Variants in SOX5 observed in about 807,000 individuals in gnomAD.
SOX5 encodes the protein transcription factor SOX-5.
Under a neutral mutation model 92.0 loss-of-function variants are expected in SOX5, and 9 were observed. The ratio of observed to expected loss-of-function variants is 0.10; its 90% CI spans 0.06 to 0.17. SOX5 has a LOEUF of 0.17. Ranked by LOEUF, SOX5 falls within the 10% of genes least tolerant of loss-of-function variation. SOX5 has a pLI of 1.00. For synonymous variants in SOX5, 344 were observed against 336.3 expected, an observed-to-expected ratio of 1.02 and a Z score of -0.25; for missense variants, 642 against 944.5, an observed-to-expected ratio of 0.68 and a Z score of 4.20.
chr12:24,150,553 C>T (rs1288357598), intron 4 of SOX5, among the ~76,000 whole-genome samples: 2 of 152,022 alleles, frequency 1.3e-5, no homozygotes, highest in Non-Finnish European at 2.9e-5. Flanking sequence ...TCAAAGAAAA[C>T]TGGCAAAATA....
At chr12:23,744,343 A>C (rs1015835616) in intron 4 of SOX5, among the ~76,000 whole-genome samples, 4 of 152,188 alleles carry the variant, frequency 2.6e-5, no homozygotes, top group Non-Finnish European at 5.9e-5. Context: ...GCCAACCCTA[A>C]GATTGTCCCC....
rs546082789 is a variant in SOX5 at position 23,695,635 on chromosome 12, A to C, written c.811-30071T>G. Among the ~76,000 whole-genome samples the C allele has an allele frequency of 7.2e-5, 11 of 152,222 alleles. No homozygotes were observed. In the East Asian group the frequency reaches 2.1e-3, roughly 29 times the overall value. On this transcript the variant is annotated intron_variant, in intron 6 of 14. Coordinates refer to ENST00000451604, the MANE Select transcript of SOX5 (RefSeq NM_006940.6). The stretch of plus-strand genomic sequence containing the variant: ...ATACTTACTTTTGGATGATACAGCA[A>C]CCATGCATACACAATAAAAATATGG...
At chr12:23,704,702 A>G (rs1255342940) in intron 6 of SOX5, among the ~76,000 whole-genome samples, 3 of 131,024 alleles carry the variant, frequency 2.3e-5, no homozygotes, top group Admixed American at 7.6e-5. Flanking sequence ...ATATATATAT[A>G]TATATATATA....
At chr12:24,004,013 T>C (rs968516575) in intron 4 of SOX5, among the ~76,000 whole-genome samples, 1 of 152,044 alleles carries the variant, frequency 6.6e-6, no homozygotes, top group African/African-American at 2.4e-5. Context: ...GTCAATTGAT[T>C]TATTTTTGCA....
At chr12:23,853,079 G>T (rs2096650173) in intron 2 of SOX5, among the ~76,000 whole-genome samples, 1 of 150,660 alleles carries the variant, frequency 6.6e-6, no homozygotes, top group African/African-American at 2.4e-5. Flanking sequence ...AGGATAGTGG[G>T]GATGGAGAAG....
chr12:24,529,523 A>G (rs1950991796), intron 1 of SOX5, among the ~76,000 whole-genome samples: 1 of 152,216 alleles, frequency 6.6e-6, no homozygotes, highest in Non-Finnish European at 1.5e-5. Context: ...TTGTATTTAC[A>G]TTACTCAAGA....
intron 1 of SOX5, among the ~76,000 whole-genome samples, chr12:24,437,226 T>C (rs1187826164): frequency 1.3e-5 from 2 of 151,248 alleles, no homozygotes; most frequent in Non-Finnish European, 2.9e-5. Context: ...GGGGAAATGA[T>C]TTCCTATTTA....
intron 1 of SOX5, among the ~76,000 whole-genome samples, chr12:23,905,363 T>C (rs1231113968): frequency 6.6e-6 from 1 of 152,184 alleles, no homozygotes; most frequent in Admixed American, 6.5e-5. Context: ...AAAATTTTAC[T>C]CCAAAATTAG....
intron 2 of SOX5, among the ~76,000 whole-genome samples, chr12:23,895,405 T>C (rs1006342202): frequency 6.6e-6 from 1 of 152,092 alleles, no homozygotes; most frequent in African/African-American, 2.4e-5. Context: ...TGATTTATCA[T>C]GTTGGAAATG....
intron 4 of SOX5, among the ~76,000 whole-genome samples, chr12:24,076,166 T>C (rs1456602669): frequency 6.6e-6 from 1 of 152,160 alleles, no homozygotes; most frequent in Non-Finnish European, 1.5e-5. Context: ...TTTGGGTGGC[T>C]TGTTATTATC....
At chr12:23,708,091 T>C (rs1450656134) in intron 6 of SOX5, among the ~76,000 whole-genome samples, 1 of 151,958 alleles carries the variant, frequency 6.6e-6, no homozygotes, top group African/African-American at 2.4e-5. Context: ...TAATACAAGG[T>C]ACAAAGTAGT....
chr12:24,405,398 G>C (rs1962702144), intron 1 of SOX5, among the ~76,000 whole-genome samples: 1 of 152,130 alleles, frequency 6.6e-6, no homozygotes, highest in Non-Finnish European at 1.5e-5. Context: ...TTAGAAAACT[G>C]TTGGCAAGGA....
At chr12:23,993,721 T>C (rs986913979) in intron 4 of SOX5, among the ~76,000 whole-genome samples, 3 of 152,094 alleles carry the variant, frequency 2.0e-5, no homozygotes, top group Non-Finnish European at 4.4e-5. Context: ...TGAGAAGACA[T>C]AGATATGAAA....
chr12:23,705,101 T>C (rs2091220492), intron 6 of SOX5, among the ~76,000 whole-genome samples: 1 of 151,956 alleles, frequency 6.6e-6, no homozygotes, highest in South Asian at 2.1e-4. Context: ...TAAGATAAAG[T>C]ATGGTCATGT....
intron 6 of SOX5, among the ~76,000 whole-genome samples, chr12:23,704,343 T>C (rs956157994): frequency 3.3e-5 from 5 of 151,942 alleles, no homozygotes; most frequent in African/African-American, 1.2e-4. Context: ...AATTGAAAAA[T>C]CACCATTATA....
rs1438063927 is a variant in SOX5 at position 24,263,542 on chromosome 12, A to G, written c.-77+13674T>C. Among the ~76,000 whole-genome samples the G allele has an allele frequency of 2.5e-5, 3 of 118,480 alleles. 1 individual carries two copies. In the East Asian group the frequency reaches 6.0e-4, roughly 24 times the overall value. 77.7% of individuals were successfully genotyped at this position (118,480 alleles called of 152,430 possible). Reference sequence around the variant, plus strand: ...GACTCCGTCTCAAAAAAAAAAAAACAAAAAAAAAAACAAAAACAAGAAATT... The same window carrying G: ...GACTCCGTCTCAAAAAAAAAAAAACGAAAAAAAAAACAAAAACAAGAAATT... On this transcript the variant is annotated intron_variant, in intron 3 of 4. Coordinates refer to the SOX5 transcript ENST00000446891.
At chr12:23,883,038 G>T (rs187343994) in intron 2 of SOX5, among the ~76,000 whole-genome samples, 1 of 151,906 alleles carries the variant, frequency 6.6e-6, no homozygotes, top group East Asian at 1.9e-4. Context: ...AAAATAAGCC[G>T]GGCATAGTGG....
intron 2 of SOX5, among the ~76,000 whole-genome samples, chr12:23,872,009 T>A (rs977117354): frequency 6.6e-6 from 1 of 150,800 alleles, no homozygotes; most frequent in African/African-American, 2.4e-5. Context: ...TTTTTTTTCT[T>A]TTTTTTGAGA....
At chr12:23,886,338 G>A (rs1027398981) in intron 2 of SOX5, among the ~76,000 whole-genome samples, 1 of 152,170 alleles carries the variant, frequency 6.6e-6, no homozygotes, top group South Asian at 2.1e-4. Flanking sequence ...GTTAATGGTT[G>A]TATTTTTTAA....
Sources: allele counts gnomAD v4.1 joint callset (sites outside exome capture counted in the v4.1 genomes callset), GRCh38; gene constraint gnomAD v4.1.1; transcripts MANE v1.5; gene names NCBI Gene and HGNC (gene_info 2026-07-23, HGNC 2026-07-21).